The following ITGA1 variants were observed in gnomAD, a reference collection of about 807,000 sequenced individuals.
The protein encoded by ITGA1 is integrin alpha-1.
A neutral mutation model predicts 145.9 loss-of-function variants in ITGA1; 85 were observed. The observed-to-expected ratio is 0.58, with a 90% CI of 0.49 to 0.70. The LOEUF is 0.70. Ranked by LOEUF, ITGA1 falls within the 30% of genes least tolerant of loss-of-function variation. The pLI is 0.00. For missense variants in ITGA1, 1,351 were observed against 1,418.7 expected, an observed-to-expected ratio of 0.95 and a Z score of 0.77; for synonymous variants, 520 against 495.3, an observed-to-expected ratio of 1.05 and a Z score of -0.66.
At chr5:52,796,051 A>G (rs1748335920) in intron 1 of ITGA1, among the ~76,000 whole-genome samples, 1 of 152,022 alleles carries the variant, frequency 6.6e-6, no homozygotes, top group Admixed American at 6.5e-5. Flanking sequence ...GGATGAGATT[A>G]TAGGTGTTGT....
Position 52,874,868 on chromosome 5 carries a change from T to C in ITGA1, c.625-7005T>C, listed in dbSNP as rs1198587870. On this transcript the variant is annotated intron_variant, in intron 6 of 28. Transcript: ENST00000282588. ...TGAATTTAAAACACAGAACAATTAG[T>C]TGATCTTGACAAGTAAGTAAGTCTT... is the stretch of plus-strand genomic sequence containing the variant. 2.0e-5 allele frequency among the ~76,000 whole-genome samples: 3 copies of C among 152,202 alleles called. No homozygotes were observed. The East Asian group carries it at 5.8e-4, about 29-fold the overall frequency.
At chr5:52,860,488 G>A (rs1288862724) in intron 2 of ITGA1, among the ~76,000 whole-genome samples, 1 of 152,224 alleles carries the variant, frequency 6.6e-6, no homozygotes, top group East Asian at 1.9e-4. Flanking sequence ...GGAGGTTGCA[G>A]TGGGCCAAGG....
At chr5:52,884,892 CA>C (rs1750023047) in intron 7 of ITGA1, among the ~76,000 whole-genome samples, 1 of 152,144 alleles carries the variant, frequency 6.6e-6, no homozygotes, top group Non-Finnish European at 1.5e-5. Flanking sequence ...AAACCTCCCA[CA>C]GATTAACGGC....
At chr5:52,838,536 T>A (rs1369467285) in intron 1 of ITGA1, among the ~76,000 whole-genome samples, 1 of 152,144 alleles carries the variant, frequency 6.6e-6, no homozygotes, top group African/African-American at 2.4e-5. Flanking sequence ...TTGAATTCCA[T>A]CACAAAAGAA....
chr5:52,791,728 T>C lies in ITGA1; in HGVS notation c.61+3314T>C, dbSNP rs543832234. Among the ~76,000 whole-genome samples the C allele has an allele frequency of 5.1e-5, 5 of 98,108 alleles. No individual in the cohort carries two copies. The South Asian group carries it at 1.4e-3, about 28-fold the overall frequency. 64.4% of individuals were successfully genotyped at this position (98,108 alleles called of 152,430 possible). A position where few individuals can be genotyped will look rare whatever the true frequency, so the allele number is the denominator to read the frequency against. ...TCACAAGCAGTCACAGATTTCTTTG[T>C]TCTTTTTTCACTCCCTCAGCTTGTT... is the stretch of plus-strand genomic sequence containing the variant. On this transcript the variant is annotated intron_variant, in intron 1 of 28. Coordinates refer to ENST00000282588, the MANE Select transcript of ITGA1 (RefSeq NM_181501.2).
intron 19 of ITGA1, 37 bp from the exon 20 acceptor site, chr5:52,927,547 C>T (rs375602112): frequency 5.6e-6 from 8 of 1,421,170 alleles, no homozygotes; most frequent in Non-Finnish European, 7.9e-6. Flanking sequence ...ATTTCACCTG[C>T]TTGTCCACTC....
chr5:52,909,768 G>GGT (rs1046109639), intron 13 of ITGA1, among the ~76,000 whole-genome samples: 1 of 141,408 alleles, frequency 7.1e-6, no homozygotes, highest in African/African-American at 2.6e-5. Context: ...TTCTGTCTGG[G>GGT]TTTTTTTTTT....
At chr5:52,820,642 C>G (rs1353816524) in intron 1 of ITGA1, among the ~76,000 whole-genome samples, 6 of 152,042 alleles carry the variant, frequency 3.9e-5, no homozygotes, top group Non-Finnish European at 8.8e-5. Context: ...CACATGGCTT[C>G]CACCTACTGC....
chr5:52,893,908 T>C (rs755454707), intron 9 of ITGA1, 68 bp downstream of exon 9: 3 of 1,240,340 alleles, frequency 2.4e-6, no homozygotes, highest in Non-Finnish European at 3.4e-6. Flanking sequence ...GGGATTTTTG[T>C]ATTTATTCCT....
In ITGA1 at chr5:52,939,938, T is replaced by C. The variant is rs755036090; in HGVS notation, c.3279T>C (p.Phe1093=). 9.0e-6 allele frequency: 14 copies of C among 1,547,538 alleles called. No homozygotes were observed. The highest frequency in any genetic ancestry group is 1.7e-4 in the Middle Eastern group (1 of 5,956). Residue 1093 remains phenylalanine, a synonymous_variant, in exon 26 of 29, where the codon TTT becomes TTC. Transcript: ENST00000282588. The stretch of plus-strand genomic sequence containing the variant: ...CGCTTATCTTGTGGAAACCAACTTT[T>C]ATAAAAGTAAGTAAATACATAGTTC... ...NVSLILWKPT[F]IKSYFSSLNL... is the part of the protein sequence containing the mutation.
chr5:52,874,155 G>T (rs1054449558), intron 6 of ITGA1, among the ~76,000 whole-genome samples: 4 of 152,084 alleles, frequency 2.6e-5, no homozygotes, highest in African/African-American at 9.7e-5. Context: ...TCTGGTGAGG[G>T]CCTTGCGCTT....
rs1457601804 is a variant in ITGA1 at position 52,864,827 on chromosome 5, C to G, written c.360C>G (p.Val120=). ...KENMTFGSTL[V]TNPNGGFLAC... ...ACATGACATTTGGATCAACTTTAGT[C>G]ACCAACCCAAATGGAGGATTTCTGG... Residue 120 remains valine, a synonymous_variant, in exon 4 of 29, where the codon GTC becomes GTG. Coordinates refer to ENST00000282588, the MANE Select transcript of ITGA1 (RefSeq NM_181501.2). 1.9e-6 allele frequency: 3 copies of G among 1,611,246 alleles called. No homozygotes were observed. In the East Asian group the frequency reaches 6.7e-5, roughly 36 times the overall value.
chr5:52,813,760 C>T (rs1409782678), intron 1 of ITGA1, among the ~76,000 whole-genome samples: 1 of 152,338 alleles, frequency 6.6e-6, no homozygotes, highest in African/African-American at 2.4e-5. Flanking sequence ...ATGCCTACAT[C>T]TCCTCCTCTC....
At chr5:52,842,855 T>G (rs1297252540) in intron 1 of ITGA1, among the ~76,000 whole-genome samples, 1 of 152,052 alleles carries the variant, frequency 6.6e-6, no homozygotes, top group Non-Finnish European at 1.5e-5. Context: ...CCAGCTAATT[T>G]TTTTTAATGT....
intron 2 of ITGA1, among the ~76,000 whole-genome samples, chr5:52,850,627 A>G (rs984252260): frequency 3.3e-5 from 5 of 152,314 alleles, no homozygotes; most frequent in African/African-American, 1.2e-4. Context: ...TAATTTGATA[A>G]TAATGCCCTA....
intron 1 of ITGA1, among the ~76,000 whole-genome samples, chr5:52,804,955 G>A (rs1205946359): frequency 6.6e-6 from 1 of 152,074 alleles, no homozygotes; most frequent in Non-Finnish European, 1.5e-5. Context: ...ATCATTAAGA[G>A]TAATATATTT....
chr5:52,920,390 T>G lies in ITGA1; in HGVS notation c.2214T>G (p.Ser738=). ...SLRQISRSFF[S]GTQERKVQRN... Reference sequence around the variant, plus strand: ...GACAAATATCACGAAGTTTTTTCTCTGGAACTCAAGAGAGAAAGGTTCAAA... The same window carrying G: ...GACAAATATCACGAAGTTTTTTCTCGGGAACTCAAGAGAGAAAGGTTCAAA... The change falls in exon 17 of 29, where the codon TCT becomes TCG. Residue 738 remains serine, a synonymous_variant. Transcript: ENST00000282588. The G allele has an allele frequency of 6.2e-7, 1 of 1,612,706 alleles. No individual in the cohort carries two copies. Among genetic ancestry groups the G allele is most frequent in the Non-Finnish European group, 8.5e-7 (1 of 1,179,324 alleles).
At chr5:52,795,982 T>C (rs1748333876) in intron 1 of ITGA1, among the ~76,000 whole-genome samples, 1 of 151,948 alleles carries the variant, frequency 6.6e-6, no homozygotes, top group Non-Finnish European at 1.5e-5. Context: ...ACCTCTGAAA[T>C]GGGTCTTAGA....
rs781479358 is a variant in ITGA1 at position 52,925,257 on chromosome 5, T to A, written c.2404-21T>A. 11 of 1,598,750 alleles carry A rather than the reference T, an allele frequency of 6.9e-6. No homozygotes were observed. The Admixed American group carries it at 1.8e-4, about 27-fold the overall frequency. Reference sequence around the variant, plus strand: ...AATGCGTAGCTAAATTTTGAAAAATTCTTTCCTGTCATCATTTCAGATTCC... The same window carrying A: ...AATGCGTAGCTAAATTTTGAAAAATACTTTCCTGTCATCATTTCAGATTCC... On this transcript the variant is annotated intron_variant, in intron 18 of 28. Transcript: ENST00000282588.
Sources: allele counts gnomAD v4.1 joint callset (sites outside exome capture counted in the v4.1 genomes callset), GRCh38; gene constraint gnomAD v4.1.1; transcripts MANE v1.5; gene names NCBI Gene and HGNC (gene_info 2026-07-23, HGNC 2026-07-21).